Variants in ARHGEF38 observed in about 807,000 individuals in gnomAD.
ARHGEF38 encodes Rho guanine nucleotide exchange factor 38.
A neutral mutation model predicts 79.9 loss-of-function variants in ARHGEF38; 79 were observed. The ratio of observed to expected loss-of-function variants is 0.99; its 90% confidence interval spans 0.82 to 1.19. The LOEUF is 1.19. ARHGEF38 is among the 50% of genes most tolerant of loss of function. The pLI, the probability that ARHGEF38 is intolerant of heterozygous loss-of-function variation, is 0.00. For missense variants in ARHGEF38, 962 were observed against 907.2 expected (o/e 1.06, Z -0.78); for synonymous variants, 366 against 328.3 (o/e 1.11, Z -1.24).
rs546143062 is a variant in ARHGEF38, at chr4:105,654,494, G to T, written c.1113+325G>T. ...CATTAACACAAAATTGCAAGAGACA[G>T]AAAATTTGTTTGTTTGTACTAACAC... On this transcript the variant is annotated intron_variant, in intron 8 of 13. Transcript: ENST00000420470. 3.3e-5 allele frequency among the ~76,000 whole-genome samples: 5 copies of T among 152,236 alleles called. No individual in the cohort carries two copies. In the South Asian group the frequency reaches 1.0e-3, roughly 32 times the overall value.
At chr4:105,588,621 C>A (rs547809766) in intron 1 of ARHGEF38, among the ~76,000 whole-genome samples, 13 of 152,074 alleles carry the variant, frequency 8.5e-5, no homozygotes, top group Non-Finnish European at 1.5e-4. Context: ...ACTTTCTGTT[C>A]GACAGTTCAA....
At chr4:105,588,029 ATTACTTT>A (rs1727141961) in intron 1 of ARHGEF38, among the ~76,000 whole-genome samples, 1 of 152,194 alleles carries the variant, frequency 6.6e-6, no homozygotes, top group Admixed American at 6.5e-5. Context: ...GAGAGAGCTC[ATTACTTT>A]TTAAAGTGTC....
intron 4 of ARHGEF38, among the ~76,000 whole-genome samples, chr4:105,635,566 T>C (rs1461641790): frequency 6.6e-6 from 1 of 152,070 alleles, no homozygotes; most frequent in Non-Finnish European, 1.5e-5. Context: ...GCATGAAAAA[T>C]TGCATTTTTA....
chr4:105,571,078 C>T (rs965679532), intron 1 of ARHGEF38, among the ~76,000 whole-genome samples: 12 of 152,114 alleles, frequency 7.9e-5, no homozygotes, highest in Admixed American at 5.9e-4. Flanking sequence ...AAGATGAAAA[C>T]ATTCTGGAGA....
intron 2 of ARHGEF38, among the ~76,000 whole-genome samples, chr4:105,603,024 G>T (rs1031531053): frequency 1.3e-5 from 2 of 152,054 alleles, no homozygotes; most frequent in Non-Finnish European, 2.9e-5. Context: ...TCCAGATAAG[G>T]ACTCTGGCAG....
At position 105,552,927 on chromosome 4, in the gene ARHGEF38, A is replaced by G. The variant is rs1284026463; in HGVS notation, c.162A>G (p.Gln54=). ...ACTCTGGCACCTTGAGGAGGAGCCA[A>G]TCTGACAGGACCGAATACAACCAGA... ...GDHSGTLRRS[Q]SDRTEYNQKL... Residue 54 remains glutamine, a synonymous_variant, in exon 1 of 14, where the codon CAA becomes CAG. Transcript: ENST00000420470. 5 of 1,613,132 alleles carry G rather than the reference A, an allele frequency of 3.1e-6. No individual in the cohort carries two copies. Among genetic ancestry groups the G allele is most frequent in the East Asian group, 4.5e-5 (2 of 44,874 alleles).
chr4:105,561,419 A>AGAATAGAATGGAATGGAATG (rs1560684256), intron 1 of ARHGEF38, among the ~76,000 whole-genome samples: 2 of 46,048 alleles, frequency 4.3e-5, no homozygotes, highest in Admixed American at 2.7e-4. Flanking sequence ...AGAATAGAAT[A>AGAATAGAATGGAATGGAATG]GAATGGAATA....
intron 1 of ARHGEF38, among the ~76,000 whole-genome samples, chr4:105,568,771 T>C (rs1381653092): frequency 2.0e-5 from 3 of 152,184 alleles, no homozygotes; most frequent in African/African-American, 7.2e-5. Flanking sequence ...TGGTTGGTTG[T>C]TGGGAGTATG....
At chr4:105,580,175 G>A (rs1726717016) in intron 1 of ARHGEF38, among the ~76,000 whole-genome samples, 1 of 151,970 alleles carries the variant, frequency 6.6e-6, no homozygotes, top group African/African-American at 2.4e-5. Context: ...ACTAGATCTT[G>A]GATTCATTGA....
At chr4:105,653,127 T>C (rs941081218) in intron 7 of ARHGEF38, among the ~76,000 whole-genome samples, 5 of 152,148 alleles carry the variant, frequency 3.3e-5, no homozygotes, top group African/African-American at 9.7e-5. Flanking sequence ...CAGCAATAAA[T>C]GTGTGCTCCT....
chr4:105,575,013 T>TACACAC (rs3056772), intron 1 of ARHGEF38, among the ~76,000 whole-genome samples: 14 of 149,298 alleles, frequency 9.4e-5, no homozygotes, highest in African/African-American at 3.0e-4. Flanking sequence ...CACACATATA[T>TACACAC]ACACACACAC....
chr4:105,642,115 A>G (rs1052161057), intron 5 of ARHGEF38, among the ~76,000 whole-genome samples: 7 of 152,120 alleles, frequency 4.6e-5, no homozygotes, highest in East Asian at 1.9e-4. Flanking sequence ...TCTGCCTCGC[A>G]TGGTTACCAG....
At chr4:105,676,289 T>C (rs1731114356) in intron 13 of ARHGEF38, among the ~76,000 whole-genome samples, 1 of 152,222 alleles carries the variant, frequency 6.6e-6, no homozygotes, top group Non-Finnish European at 1.5e-5. Flanking sequence ...AAATATGACA[T>C]ATTCATGCCT....
chr4:105,598,033 T>C (rs1450437110), intron 2 of ARHGEF38, among the ~76,000 whole-genome samples: 1 of 152,100 alleles, frequency 6.6e-6, no homozygotes, highest in Non-Finnish European at 1.5e-5. Flanking sequence ...ATATATTGTG[T>C]TTTCAGAGGG....
intron 2 of ARHGEF38, among the ~76,000 whole-genome samples, chr4:105,606,755 CA>C (rs1309396225): frequency 2.0e-5 from 3 of 151,166 alleles, no homozygotes; most frequent in African/African-American, 7.3e-5. Flanking sequence ...GTTGTTAAGG[CA>C]AAAAAAATTT....
intron 2 of ARHGEF38, among the ~76,000 whole-genome samples, chr4:105,592,470 G>A (rs895552223): frequency 3.3e-5 from 5 of 150,414 alleles, no homozygotes; most frequent in African/African-American, 4.9e-5. Context: ...TCTCTTCATC[G>A]GGCCCAAAGA....
intron 3 of ARHGEF38, among the ~76,000 whole-genome samples, chr4:105,619,503 C>T (rs552642926): frequency 1.3e-5 from 2 of 151,988 alleles, no homozygotes; most frequent in South Asian, 4.2e-4. Context: ...TGGAGTGATT[C>T]TTTTTTTTCC....
chr4:105,655,419 G>A (rs1419012727), intron 8 of ARHGEF38, among the ~76,000 whole-genome samples, 184 bp from the exon 9 acceptor site: 4 of 152,172 alleles, frequency 2.6e-5, no homozygotes, highest in African/African-American at 9.6e-5. Context: ...TAAGGAAAAT[G>A]TAAGGAAATA....
At chr4:105,633,920 T>C (rs568471835) in intron 4 of ARHGEF38, among the ~76,000 whole-genome samples, 2 of 152,252 alleles carry the variant, frequency 1.3e-5, no homozygotes, top group Non-Finnish European at 2.9e-5. Flanking sequence ...GTAGAGATAT[T>C]ACCTGGTTCT....
Sources: gnomAD v4.1 joint callset for allele counts (sites outside exome capture counted in the v4.1 genomes callset) on GRCh38, gnomAD v4.1.1 for gene constraint, MANE v1.5 for transcripts, NCBI Gene and HGNC (gene_info 2026-07-23, HGNC 2026-07-21) for gene names.